Variants in ZNF565 observed in about 807,000 individuals in gnomAD.
ZNF565 encodes zinc finger protein 565.
In ZNF565, 27 loss-of-function variants were observed where a neutral mutation model predicts 39.4. The observed-to-expected ratio is 0.69, with a 90% CI of 0.51 to 0.95. The LOEUF (loss-of-function observed/expected upper bound fraction) is 0.95, where lower values mean the gene tolerates loss of function less well. Among genes scored for constraint, ZNF565 ranks in the 40% least tolerant of loss-of-function variants. ZNF565 has a pLI of 0.00. For synonymous variants in ZNF565, 185 were observed against 216.6 expected (o/e 0.85, Z 1.28); for missense variants, 524 against 621.1 (o/e 0.84, Z 1.66).
At chr19:36,206,093 C>T (rs1338731326) in intron 1 of ZNF565, among the ~76,000 whole-genome samples, 1 of 151,988 alleles carries the variant, frequency 6.6e-6, no homozygotes, top group Non-Finnish European at 1.5e-5. Context: ...TCCCAAGTAG[C>T]TGGAATTACA....
chr19:36,230,419 A>C lies in ZNF565; in HGVS notation c.55+15057T>G, dbSNP rs117715500. Among the ~76,000 whole-genome samples the C allele has an allele frequency of 1.2e-3, 176 of 152,352 alleles. No homozygotes were observed. In the East Asian group the frequency reaches 0.018, roughly 15 times the overall value. ...AGTAAATACTTAAAAAATGTATACTATCAGATAGTGATAAGTGCTATGGAA... is the reference window on the plus strand; with the variant it reads ...AGTAAATACTTAAAAAATGTATACTCTCAGATAGTGATAAGTGCTATGGAA... On this transcript the variant is annotated intron_variant, in intron 1 of 4. Transcript: ENST00000355114.
upstream of ZNF565, among the ~76,000 whole-genome samples, chr19:36,217,335 T>G (rs1976654864): frequency 6.6e-6 from 1 of 151,498 alleles, no homozygotes; most frequent in Admixed American, 6.6e-5. Flanking sequence ...AGTGCTAGGA[T>G]TACAGGCATG....
rs371281213 is a variant in ZNF565, at chr19:36,210,554, A to T, written c.-66+4068T>A. 2.1e-4 allele frequency among the ~76,000 whole-genome samples: 32 copies of T among 152,222 alleles called. No individual in the cohort carries two copies. In the East Asian group the frequency reaches 3.1e-3, roughly 15 times the overall value. ...ATATACATACATATAAACACATTTC[A>T]TAGCTGAGAGGACCTAGAAGCAATG... On this transcript the variant is annotated intron_variant, in intron 1 of 4. Transcript: ENST00000304116.
Position 36,245,634 on chromosome 19 carries a change from A to C in ZNF565, c.-104T>G. On this transcript the variant is annotated 5_prime_UTR_variant, in exon 1 of 5. Transcript: ENST00000355114. This position sits in a 1 kb window ranked among gnomAD's most constrained non-coding sequence, Gnocchi z 4.4. ...AGCTTCGAGGCTACCACCTGCCCGA[A>C]TTGGTGCTTTGGCAGAGTCTCTGGT... is the stretch of plus-strand genomic sequence containing the variant. 1.4e-6 allele frequency: 1 copy of C among 696,804 alleles called. No individual in the cohort carries two copies. The highest frequency in any genetic ancestry group is 2.3e-4 in the Middle Eastern group (1 of 4,326). 43.2% of individuals were successfully genotyped at this position (696,804 alleles called of 1,614,324 possible). A position where few individuals can be genotyped will look rare whatever the true frequency, so the allele number is the denominator to read the frequency against.
intron 1 of ZNF565, among the ~76,000 whole-genome samples, chr19:36,224,337 G>A (rs1429582392): frequency 6.6e-6 from 1 of 152,154 alleles, no homozygotes. Flanking sequence ...AGCTGAGATT[G>A]TGCCACTGCA....
chr19:36,214,306 TCACA>T (rs1480044167), intron 1 of ZNF565, among the ~76,000 whole-genome samples: 1 of 151,666 alleles, frequency 6.6e-6, no homozygotes, highest in East Asian at 1.9e-4. Flanking sequence ...CCCGCAGTGG[TCACA>T]CAGTCACAAC....
At chr19:36,244,356 G>T (rs2918382) in intron 1 of ZNF565, among the ~76,000 whole-genome samples, 1 of 151,542 alleles carries the variant, frequency 6.6e-6, no homozygotes, top group Non-Finnish European at 1.5e-5. Context: ...CAAGACCAGT[G>T]TGGTCAAAAT....
At chr19:36,186,697 G>T (rs898625122) in intron 4 of ZNF565, among the ~76,000 whole-genome samples, 2 of 152,106 alleles carry the variant, frequency 1.3e-5, no homozygotes, top group African/African-American at 4.8e-5. Context: ...GCTGAGGTGG[G>T]AGGATGGCTT....
At chr19:36,191,785 G>A (rs139211679) in intron 4 of ZNF565, among the ~76,000 whole-genome samples, 2 of 152,252 alleles carry the variant, frequency 1.3e-5, no homozygotes, top group African/African-American at 2.4e-5. Flanking sequence ...AGGAATAAGG[G>A]ACACAGAAAA....
chr19:36,195,488 A>G lies in ZNF565; in HGVS notation c.10-332T>C, dbSNP rs185911743. Among the ~76,000 whole-genome samples, 80 of 151,076 alleles carry G rather than the reference A, an allele frequency of 5.3e-4. 1 individual carries two copies. Among genetic ancestry groups the G allele is most frequent in the African/African-American group, 1.9e-3 (78 of 41,126 alleles). On this transcript the variant is annotated intron_variant, in intron 2 of 4. Transcript: ENST00000304116. Reference sequence around the variant, plus strand: ...TATCATACTTAATAAAAGTATCAATAATTTCCCAGTCAACAGATTAAATTC... The same window carrying G: ...TATCATACTTAATAAAAGTATCAATGATTTCCCAGTCAACAGATTAAATTC...
At chr19:36,235,899 C>A (rs1977627734) in intron 1 of ZNF565, 1 of 152,368 alleles carries the variant, frequency 6.6e-6, no homozygotes, top group African/African-American at 2.4e-5. Flanking sequence ...AAAGAATCAT[C>A]AAGGGACTTA....
intron 2 of ZNF565, among the ~76,000 whole-genome samples, chr19:36,200,947 C>T (rs568749391): frequency 6.6e-6 from 1 of 152,026 alleles, no homozygotes; most frequent in African/African-American, 2.4e-5. Flanking sequence ...ACCACTGCAC[C>T]CAGCCATATA....
chr19:36,231,300 C>T (rs1977357672), intron 1 of ZNF565, among the ~76,000 whole-genome samples: 1 of 151,888 alleles, frequency 6.6e-6, no homozygotes. Context: ...GCCTCTGCCT[C>T]CCGGGTTCAA....
At position 36,182,434 on chromosome 19, in the gene ZNF565, G is replaced by A. The variant is rs772455496; in HGVS notation, c.*32C>T. 1.3e-6 allele frequency: 2 copies of A among 1,521,688 alleles called. No individual in the cohort carries two copies. The highest frequency in any genetic ancestry group is 2.3e-5 in the East Asian group (1 of 44,174). The allele number at this position is 1,521,688 out of a possible 1,614,324, so 94.3% of individuals were successfully genotyped here. On this transcript the variant is annotated 3_prime_UTR_variant, in exon 5 of 5. Transcript: ENST00000304116. ...GAGCCAGATGTGAACTCCACATAAA[G>A]GCTTATCTTTATCCCTTACACTCAA...
intron 1 of ZNF565, among the ~76,000 whole-genome samples, chr19:36,243,518 G>T (rs147784545): frequency 3.9e-5 from 6 of 152,284 alleles, no homozygotes; most frequent in African/African-American, 1.4e-4. Flanking sequence ...AGTTAAAAAC[G>T]AGAAGAATGG....
chr19:36,237,509 C>A, intron 1 of ZNF565: 2 of 563,730 alleles, frequency 3.5e-6, no homozygotes, highest in Non-Finnish European at 5.8e-6. Flanking sequence ...ACCCTGTGTC[C>A]AACAGAGAAA....
chr19:36,205,959 T>TG (rs1976135671), intron 1 of ZNF565, among the ~76,000 whole-genome samples: 1 of 150,250 alleles, frequency 6.7e-6, no homozygotes, highest in African/African-American at 2.4e-5. Context: ...CACATTCTGT[T>TG]TTTTTTTTTT....
upstream of ZNF565, among the ~76,000 whole-genome samples, chr19:36,217,048 T>A (rs2438515): frequency 0.63 from 87,597 of 138,946 alleles, 27,725 homozygotes; most frequent in Middle Eastern, 0.71. Context: ...GGACAGCCAG[T>A]CCCTGTCTTT....
Position 36,245,339 on chromosome 19 carries a change from C to T in ZNF565, c.55+137G>A, listed in dbSNP as rs1212585010. On this transcript the variant is annotated intron_variant, in intron 1 of 4. Transcript: ENST00000355114. The surrounding 1 kb of genome is among the most constrained non-coding windows in gnomAD (Gnocchi z 4.4). ...TCAGTTCTAAGCCGAGGGGCTGCTGCCGGACATTCTAGGGTCTGATCTGGC... is the reference window on the plus strand; with the variant it reads ...TCAGTTCTAAGCCGAGGGGCTGCTGTCGGACATTCTAGGGTCTGATCTGGC... 1 of 652,046 alleles carries T rather than the reference C, an allele frequency of 1.5e-6. No homozygotes were observed. Among genetic ancestry groups the T allele is most frequent in the Non-Finnish European group, 2.8e-6 (1 of 360,578 alleles). 40.4% of individuals were successfully genotyped at this position (652,046 alleles called of 1,614,324 possible).
Sources: allele counts gnomAD v4.1 joint callset (sites outside exome capture counted in the v4.1 genomes callset), GRCh38; gene constraint gnomAD v4.1.1; non-coding constraint Gnocchi (gnomAD v3.1); transcripts MANE v1.5; gene names NCBI Gene and HGNC (gene_info 2026-07-23, HGNC 2026-07-21).